DTX4: variants seen among roughly 807,000 people sequenced by gnomAD.
DTX4 encodes the protein deltex E3 ubiquitin ligase 4, also known as E3 ubiquitin-protein ligase DTX4.
In DTX4, 28 loss-of-function variants were observed where a neutral mutation model predicts 57.6. The observed-to-expected ratio is 0.49, with a 90% CI of 0.36 to 0.67. DTX4 has a LOEUF of 0.67. Among genes scored for constraint, DTX4 ranks in the 30% least tolerant of loss-of-function variants. The probability of loss-of-function intolerance (pLI) is 0.00; values close to 1 mark genes in which losing one functional copy is unlikely to be tolerated. For synonymous variants in DTX4, 316 were observed against 331.0 expected (o/e 0.95, Z 0.49); for missense variants, 715 against 836.8 (o/e 0.85, Z 1.80).
At chr11:59,192,625 A>G (rs1862614254) in intron 6 of DTX4, among the ~76,000 whole-genome samples, 1 of 152,182 alleles carries the variant, frequency 6.6e-6, no homozygotes, top group African/African-American at 2.4e-5. Flanking sequence ...CGCTAGACCC[A>G]TGGTGAGTAT....
Position 59,172,375 on chromosome 11 carries a change from G to A in DTX4, c.-221G>A. ...GCAGCAGCGGACCCCGGCGGCGGCG[G>A]CGGCGCGCGGTCCCAGCCAGGCGGC... On this transcript the variant is annotated 5_prime_UTR_variant, in exon 1 of 9. Coordinates refer to ENST00000227451, the MANE Select transcript of DTX4 (RefSeq NM_015177.2). 1 of 166,980 alleles carries A rather than the reference G, an allele frequency of 6.0e-6. No individual in the cohort carries two copies. Among genetic ancestry groups the A allele is most frequent in the Non-Finnish European group, 1.3e-5 (1 of 79,034 alleles). 10.3% of individuals were successfully genotyped at this position (166,980 alleles called of 1,614,324 possible). A position where few individuals can be genotyped will look rare whatever the true frequency, so the allele number is the denominator to read the frequency against.
At position 59,172,759 on chromosome 11, in the gene DTX4, C is replaced by T; in HGVS notation, c.164C>T (p.Pro55Leu). Residue 55 changes from proline to leucine, a missense_variant, in exon 1 of 9, where the codon CCC becomes CTC. Pro to Leu is a moderately conservative substitution (Grantham distance 98). Transcript: ENST00000227451. ...GGCCAGGTGGACAGCCGTCTCGCGC[C>T]CTACATCATCGACCTGCAGTCCATG... is the stretch of plus-strand genomic sequence containing the variant. ...VLGQVDSRLA[P>L]YIIDLQSMNQ... is the part of the protein sequence containing the mutation. 1 of 1,601,032 alleles carries T rather than the reference C, an allele frequency of 6.2e-7. No homozygotes were observed. The highest frequency in any genetic ancestry group is 8.5e-7 in the Non-Finnish European group (1 of 1,175,164).
chr11:59,198,972 C>A (rs1429886368), intron 7 of DTX4, among the ~76,000 whole-genome samples: 1 of 152,174 alleles, frequency 6.6e-6, no homozygotes, highest in Non-Finnish European at 1.5e-5. Flanking sequence ...GTTTTTTTCT[C>A]ACCAAGTGGC....
intron 1 of DTX4, among the ~76,000 whole-genome samples, chr11:59,178,273 A>AG (rs949186725): frequency 1.1e-4 from 17 of 152,072 alleles, no homozygotes; most frequent in Admixed American, 3.9e-4. Flanking sequence ...GTTGGTGGGT[A>AG]GGGGGGATTT....
At position 59,208,458 on chromosome 11, in the gene DTX4, G is replaced by C. The variant is rs1422265031; in HGVS notation, c.*3549G>C. 2 of 152,156 alleles carry C rather than the reference G, an allele frequency of 1.3e-5. No individual in the cohort carries two copies. The highest frequency in any genetic ancestry group is 1.3e-4 in the Admixed American group (2 of 15,282). The allele number at this position is 152,156 out of a possible 1,614,324, so 9.4% of individuals were successfully genotyped here. A position where few individuals can be genotyped will look rare whatever the true frequency, so the allele number is the denominator to read the frequency against. ...AGAATCACGAATATTCACTTTTAAA[G>C]GTCTCTTTGCCTGGCTGCAATATAG... On this transcript the variant is annotated 3_prime_UTR_variant, in exon 9 of 9. Coordinates refer to ENST00000227451, the MANE Select transcript of DTX4 (RefSeq NM_015177.2).
chr11:59,172,660 A>G lies in DTX4; in HGVS notation c.65A>G (p.Tyr22Cys). Residue 22 changes from tyrosine to cysteine, a missense_variant, in exon 1 of 9, where the codon TAC (tyrosine) becomes TGC (cysteine). Tyr to Cys is a radical substitution (Grantham distance 194). Transcript: ENST00000227451. ...AACGAGCACGGCCGCTGGCGTCCCT[A>G]CAGCCCAGCGGTGAGCCACCACATC... ...WLNEHGRWRP[Y>C]SPAVSHHIEA... is the part of the protein sequence containing the mutation. 1 of 1,596,700 alleles carries G rather than the reference A, an allele frequency of 6.3e-7. No individual in the cohort carries two copies. The highest frequency in any genetic ancestry group is 8.5e-7 in the Non-Finnish European group (1 of 1,175,792).
intron 1 of DTX4, among the ~76,000 whole-genome samples, chr11:59,174,770 G>A (rs1862374888): frequency 6.6e-6 from 1 of 152,192 alleles, no homozygotes; most frequent in Non-Finnish European, 1.5e-5. Flanking sequence ...AGGACTGCCT[G>A]GTGGTGAGCA....
Position 59,172,816 on chromosome 11 carries a change from C to CCGCCCCTG in DTX4, c.211+11_211+18dup, listed in dbSNP as rs1280662051. 1.3e-6 allele frequency: 2 copies of CCGCCCCTG among 1,522,194 alleles called. No homozygotes were observed. The highest frequency in any genetic ancestry group is 1.8e-6 in the Non-Finnish European group (2 of 1,131,432). The allele number at this position is 1,522,194 out of a possible 1,614,324, so 94.3% of individuals were successfully genotyped here. On this transcript the variant is annotated intron_variant, in intron 1 of 8. Coordinates refer to ENST00000227451, the MANE Select transcript of DTX4 (RefSeq NM_015177.2). ...TTCCGCCAAGACACGGGTGAGCCAGCCGCCCCTGACCCCGCCCCGCCTGCT... is the reference window on the plus strand; with the variant it reads ...TTCCGCCAAGACACGGGTGAGCCAGCCGCCCCTGCGCCCCTGACCCCGCCCCGCCTGCT...
chr11:59,192,438 A>G (rs1372452548), intron 6 of DTX4, among the ~76,000 whole-genome samples, 188 bp downstream of exon 6: 9 of 152,060 alleles, frequency 5.9e-5, no homozygotes, highest in Admixed American at 1.3e-4. Flanking sequence ...TGCTGGTAAG[A>G]CCTGTCTTCA....
chr11:59,191,281 T>C, intron 5 of DTX4, 106 bp downstream of exon 5: 1 of 1,161,556 alleles, frequency 8.6e-7, no homozygotes, highest in South Asian at 1.4e-5. Flanking sequence ...CATTCCAAGT[T>C]CTCATGGATA....
At chr11:59,187,348 A>G (rs186148385) in intron 2 of DTX4, among the ~76,000 whole-genome samples, 5 of 152,262 alleles carry the variant, frequency 3.3e-5, no homozygotes, top group Admixed American at 2.6e-4. Flanking sequence ...CACCTCTTGC[A>G]TAGGATGTTG....
intron 6 of DTX4, 162 bp from the exon 7 acceptor site, chr11:59,195,046 T>C (rs1245152084): frequency 8.4e-6 from 6 of 710,990 alleles, no homozygotes; most frequent in Non-Finnish European, 9.7e-6. Context: ...AAAGCAGAAA[T>C]AGCCTAGGTG....
intron 2 of DTX4, among the ~76,000 whole-genome samples, chr11:59,188,333 A>T (rs1862554333): frequency 6.6e-6 from 1 of 152,186 alleles, no homozygotes; most frequent in African/African-American, 2.4e-5. Flanking sequence ...CCAGGACTGA[A>T]GGAGTTGTAG....
chr11:59,207,326 G>A lies in DTX4; in HGVS notation c.*2417G>A, dbSNP rs372090592. The A allele has an allele frequency of 2.0e-5, 3 of 152,396 alleles. No homozygotes were observed. Among genetic ancestry groups the A allele is most frequent in the Non-Finnish European group, 4.4e-5 (3 of 68,202 alleles). 9.4% of individuals were successfully genotyped at this position (152,396 alleles called of 1,614,324 possible). ...CTCAAGATGGAAAGGGAGCCGCTGT[G>A]CCTGTGGCAATACCACTTGGAGAGG... On this transcript the variant is annotated 3_prime_UTR_variant, in exon 9 of 9. Transcript: ENST00000227451.
intron 2 of DTX4, among the ~76,000 whole-genome samples, chr11:59,188,426 C>T (rs543976598): frequency 6.6e-6 from 1 of 152,272 alleles, no homozygotes; most frequent in South Asian, 2.1e-4. Context: ...CAGGAGTGCA[C>T]CTGGCTCCTT....
chr11:59,187,700 G>A (rs999855525), intron 2 of DTX4, among the ~76,000 whole-genome samples: 4 of 152,188 alleles, frequency 2.6e-5, no homozygotes, highest in Non-Finnish European at 4.4e-5. Flanking sequence ...CTGCAGGAGT[G>A]TGGGTGACAG....
chr11:59,172,671 G>T lies in DTX4; in HGVS notation c.76G>T (p.Val26Leu). 1 of 1,600,158 alleles carries T rather than the reference G, an allele frequency of 6.2e-7. No homozygotes were observed. The highest frequency in any genetic ancestry group is 8.5e-7 in the Non-Finnish European group (1 of 1,176,672). ...CCGCTGGCGTCCCTACAGCCCAGCGGTGAGCCACCACATCGAGGCGGTGGT... is the reference window on the plus strand; with the variant it reads ...CCGCTGGCGTCCCTACAGCCCAGCGTTGAGCCACCACATCGAGGCGGTGGT... The part of the protein sequence containing the change: ...HGRWRPYSPA[V>L]SHHIEAVVRA... The change falls in exon 1 of 9, where the codon GTG (valine) becomes TTG (leucine). Residue 26 changes from valine to leucine, a missense_variant. By Grantham distance (32) the Val-to-Leu change is conservative. Coordinates refer to ENST00000227451, the MANE Select transcript of DTX4 (RefSeq NM_015177.2).
intron 6 of DTX4, 150 bp from the exon 7 acceptor site, chr11:59,195,058 C>A: frequency 1.3e-6 from 1 of 780,712 alleles, no homozygotes. Context: ...GCCTAGGTGA[C>A]TGGGCTGGGA....
rs1365449501 is a variant in DTX4 at position 59,172,717 on chromosome 11, G to A, written c.122G>A (p.Gly41Glu). The change falls in exon 1 of 9, where the codon GGG becomes GAG. Residue 41 changes from glycine to glutamate, a missense_variant. Physicochemically the swap from Gly to Glu is moderately conservative, Grantham distance 98. Transcript: ENST00000227451. ...EAVVRAGPRA[G>E]GSVVLGQVDS... ...GTGGTCCGCGCCGGCCCCCGCGCGG[G>A]GGGCAGCGTGGTGCTGGGCCAGGTG... 12 of 1,603,404 alleles carry A rather than the reference G, an allele frequency of 7.5e-6. No individual in the cohort carries two copies. The highest frequency in any genetic ancestry group is 1.0e-5 in the Non-Finnish European group (12 of 1,176,572).
Sources: allele counts gnomAD v4.1 joint callset (sites outside exome capture counted in the v4.1 genomes callset), GRCh38; gene constraint gnomAD v4.1.1; transcripts MANE v1.5; gene names NCBI Gene and HGNC (gene_info 2026-07-23, HGNC 2026-07-21).